VWA8: variants seen among roughly 807,000 people sequenced by gnomAD.
The protein encoded by VWA8 is von Willebrand factor A domain containing 8.
In VWA8, 221 loss-of-function variants were observed where a neutral mutation model predicts 241.5. The observed-to-expected ratio is 0.91, with a 90% CI of 0.82 to 1.02. VWA8 has a LOEUF of 1.02. VWA8 is among the 50% of genes least tolerant of loss of function. The pLI, the probability that VWA8 is intolerant of heterozygous loss-of-function variation, is 0.00. For synonymous variants in VWA8, 852 were observed against 827.1 expected (o/e 1.03, Z -0.52); for missense variants, 2,322 against 2,328.7 (o/e 1.00, Z 0.06).
At chr13:41,786,205 C>T (rs1443035585) in intron 18 of VWA8, among the ~76,000 whole-genome samples, 1 of 152,078 alleles carries the variant, frequency 6.6e-6, no homozygotes, top group East Asian at 1.9e-4. Context: ...GATACATATT[C>T]TGGTTTCTCT....
chr13:41,647,975 C>G (rs559809583), intron 37 of VWA8, among the ~76,000 whole-genome samples: 1 of 151,532 alleles, frequency 6.6e-6, no homozygotes, highest in African/African-American at 2.4e-5. Context: ...GGCGAAGGAG[C>G]GAGACTTTGT....
Position 41,575,760 on chromosome 13 carries a change from G to C in VWA8, c.5350C>G (p.Gln1784Glu). ...TTTACCTTCAGAATTTCTAGTCTTTGCTTATTGTCCTTGGGGATTTTGTTC... is the reference window on the plus strand; with the variant it reads ...TTTACCTTCAGAATTTCTAGTCTTTCCTTATTGTCCTTGGGGATTTTGTTC... Reference protein sequence around the residue: ...PMNKIPKDNKQRLEILKTMHA... With the variant: ...PMNKIPKDNKERLEILKTMHA... The change falls in exon 43 of 45, where the codon CAA becomes GAA. Residue 1784 changes from glutamine to glutamate, a missense_variant. Physicochemically the swap from Gln to Glu is conservative, Grantham distance 29. Transcript: ENST00000379310. 6.2e-7 allele frequency: 1 copy of C among 1,612,706 alleles called. No homozygotes were observed. The highest frequency in any genetic ancestry group is 1.6e-4 in the Middle Eastern group (1 of 6,062).
intron 20 of VWA8, 21 bp from the exon 21 acceptor site, chr13:41,761,225 T>A (rs893625299): frequency 6.2e-7 from 1 of 1,606,478 alleles, no homozygotes; most frequent in Non-Finnish European, 8.5e-7. Flanking sequence ...ACAGAAAACA[T>A]TAAACAAAAA....
intron 37 of VWA8, among the ~76,000 whole-genome samples, chr13:41,642,022 C>T (rs1157791324): frequency 6.6e-6 from 1 of 152,158 alleles, no homozygotes; most frequent in Non-Finnish European, 1.5e-5. Flanking sequence ...GTTGTCTCAG[C>T]ATAATTATTA....
At position 41,832,262 on chromosome 13, in the gene VWA8, G is replaced by A. The variant is rs553229281; in HGVS notation, c.1586+1109C>T. 3.8e-4 allele frequency among the ~76,000 whole-genome samples: 58 copies of A among 152,284 alleles called. 1 individual carries two copies. In the South Asian group the frequency reaches 0.012, roughly 32 times the overall value. On this transcript the variant is annotated intron_variant, in intron 13 of 44. Transcript: ENST00000379310. ...TATTTTTTAATTGCCACCCTGCAAG[G>A]TGATTCCAAGGTTGAGAACCTGAGA...
At chr13:41,689,280 A>G in intron 34 of VWA8, 74 bp downstream of exon 34, 2 of 1,445,456 alleles carry the variant, frequency 1.4e-6, no homozygotes, top group Admixed American at 4.8e-5. Context: ...TTACCCCTCA[A>G]ACAGGCTTAC....
At chr13:41,776,783 G>A (rs1195801847) in intron 20 of VWA8, among the ~76,000 whole-genome samples, 2 of 152,158 alleles carry the variant, frequency 1.3e-5, no homozygotes, top group East Asian at 3.9e-4. Context: ...ACAACCATAT[G>A]TGGAAGAGTT....
chr13:41,630,321 C>T (rs2044718241), intron 37 of VWA8, among the ~76,000 whole-genome samples: 1 of 151,978 alleles, frequency 6.6e-6, no homozygotes, highest in Non-Finnish European at 1.5e-5. Context: ...TTTTGCCAAC[C>T]TCCCTATACC....
chr13:41,814,266 T>C (rs908360280), intron 16 of VWA8, among the ~76,000 whole-genome samples: 20 of 152,158 alleles, frequency 1.3e-4, no homozygotes, highest in African/African-American at 4.8e-4. Flanking sequence ...ATAATACAAC[T>C]GCAATAGGTC....
rs188361205 is a variant in VWA8, at chr13:41,641,940, C to G, written c.4612-26856G>C. Among the ~76,000 whole-genome samples, 5 of 152,218 alleles carry G rather than the reference C, an allele frequency of 3.3e-5. No homozygotes were observed. In the East Asian group the frequency reaches 7.7e-4, roughly 24 times the overall value. On this transcript the variant is annotated intron_variant, in intron 37 of 44. Transcript: ENST00000379310. ...AATCTATCTTCTAAATAAAATAAGACAAACGGAAATCAAATGAATAACCAG... is the reference window on the plus strand; with the variant it reads ...AATCTATCTTCTAAATAAAATAAGAGAAACGGAAATCAAATGAATAACCAG...
intron 2 of VWA8, among the ~76,000 whole-genome samples, chr13:41,942,400 A>G (rs9566884): frequency 0.061 from 9,278 of 152,300 alleles, 357 homozygotes; most frequent in East Asian, 0.12. Context: ...GCCTACATGA[A>G]CTAAATTCTA....
At chr13:41,784,612 A>G (rs1869051872) in intron 18 of VWA8, among the ~76,000 whole-genome samples, 1 of 149,488 alleles carries the variant, frequency 6.7e-6, no homozygotes, top group Non-Finnish European at 1.5e-5. Flanking sequence ...ACAGTGAGCC[A>G]TGATTGCACC....
At chr13:41,904,690 T>C (rs1326663050) in intron 4 of VWA8, among the ~76,000 whole-genome samples, 1 of 152,186 alleles carries the variant, frequency 6.6e-6, no homozygotes, top group East Asian at 1.9e-4. Flanking sequence ...ATTTACTGTT[T>C]AGTAGCCTAA....
intron 14 of VWA8, 73 bp from the exon 15 acceptor site, chr13:41,819,459 C>A: frequency 6.8e-7 from 1 of 1,472,980 alleles, no homozygotes; most frequent in South Asian, 1.3e-5. Flanking sequence ...TAACTAAAGT[C>A]TAGGCAACGT....
chr13:41,750,621 A>G (rs1243370482), intron 21 of VWA8, among the ~76,000 whole-genome samples: 1 of 152,172 alleles, frequency 6.6e-6, no homozygotes, highest in Admixed American at 6.5e-5. Context: ...TTAGTATAAG[A>G]GCTCACTGCA....
intron 21 of VWA8, among the ~76,000 whole-genome samples, chr13:41,749,811 G>A (rs928794445): frequency 4.7e-5 from 7 of 149,230 alleles, no homozygotes; most frequent in Non-Finnish European, 1.0e-4. Context: ...ACAATGTGGT[G>A]GGAATTGAGT....
chr13:41,578,152 CCTTT>C (rs2139637699), intron 42 of VWA8, among the ~76,000 whole-genome samples: 1 of 152,232 alleles, frequency 6.6e-6, no homozygotes, highest in African/African-American at 2.4e-5. Flanking sequence ...TTCCCTCTTC[CCTTT>C]CTTTCTTCTT....
chr13:41,729,500 A>G, intron 23 of VWA8, 42 bp downstream of exon 23: 2 of 1,582,090 alleles, frequency 1.3e-6, no homozygotes, highest in Non-Finnish European at 1.7e-6. Flanking sequence ...AGATATAAAC[A>G]TTGTATTTAT....
At chr13:41,805,698 C>T (rs1870160192) in intron 17 of VWA8, among the ~76,000 whole-genome samples, 2 of 151,886 alleles carry the variant, frequency 1.3e-5, no homozygotes, top group East Asian at 3.9e-4. Flanking sequence ...CCTGTAATCC[C>T]AACTACTTGG....
Sources: allele counts gnomAD v4.1 joint callset (sites outside exome capture counted in the v4.1 genomes callset), GRCh38; gene constraint gnomAD v4.1.1; transcripts MANE v1.5; gene names NCBI Gene and HGNC (gene_info 2026-07-23, HGNC 2026-07-21).